CIITA: variants seen among roughly 807,000 people sequenced by gnomAD.
CIITA encodes MHC class II transactivator.
A neutral mutation model predicts 115.1 loss-of-function variants in CIITA; 72 were observed. The ratio of observed to expected loss-of-function variants is 0.63; its 90% CI spans 0.52 to 0.76. The LOEUF is 0.76. CIITA is among the 30% of genes least tolerant of loss of function. The pLI is 0.00. For synonymous variants in CIITA, 763 were observed against 635.6 expected (o/e 1.20, Z -3.02); for missense variants, 1,617 against 1,463.8 (o/e 1.10, Z -1.71).
At chr16:10,885,434 A>G (rs1348872493) in intron 1 of CIITA, among the ~76,000 whole-genome samples, 2 of 152,170 alleles carry the variant, frequency 1.3e-5, no homozygotes, top group East Asian at 1.9e-4. Context: ...TTCCAGGCCC[A>G]TAAGCCCCTG....
At position 10,932,291 on chromosome 16, in the gene CIITA, T is replaced by C. The variant is rs892232964; in HGVS notation, c.*8436T>C. 1 of 152,266 alleles carries C rather than the reference T, an allele frequency of 6.6e-6. No individual in the cohort carries two copies. Among genetic ancestry groups the C allele is most frequent in the Non-Finnish European group, 1.5e-5 (1 of 68,052 alleles). 9.4% of individuals were successfully genotyped at this position (152,266 alleles called of 1,614,324 possible). ...GAAAATCGTGACAACACTTGTGTTATGAAGCATTTACTTTGTGTTCACCTT... is the reference window on the plus strand; with the variant it reads ...GAAAATCGTGACAACACTTGTGTTACGAAGCATTTACTTTGTGTTCACCTT... On this transcript the variant is annotated 3_prime_UTR_variant, in exon 20 of 20. Transcript: ENST00000324288.
intron 16 of CIITA, 80 bp downstream of exon 16, chr16:10,918,606 AG>A: frequency 8.0e-7 from 1 of 1,252,666 alleles, no homozygotes; most frequent in South Asian, 1.2e-5. Context: ...TGCTGGCTGC[AG>A]GGGACACTGA....
Position 10,942,936 on chromosome 16 carries a change from G to A in CIITA, n.2062G>A, listed in dbSNP as rs752354791. Reference sequence around the variant, plus strand: ...CTTCTCCAAACTCTGGTTGCTGGAAGGTCCGCCCACTACGGAACCTGCATC... The same window carrying A: ...CTTCTCCAAACTCTGGTTGCTGGAAAGTCCGCCCACTACGGAACCTGCATC... On this transcript the variant is annotated non_coding_transcript_exon_variant, in exon 2 of 2. Transcript: ENST00000573379. This position sits in a 1 kb window ranked among gnomAD's most constrained non-coding sequence, Gnocchi z 5.0. 7 of 152,206 alleles carry A rather than the reference G, an allele frequency of 4.6e-5. No individual in the cohort carries two copies. Among genetic ancestry groups the A allele is most frequent in the Admixed American group, 1.3e-4 (2 of 15,290 alleles). The allele number at this position is 152,206 out of a possible 1,614,324, so 9.4% of individuals were successfully genotyped here.
rs539219688 is a variant in CIITA at position 10,894,214 on chromosome 16, C to T, written c.53-1068C>T. On this transcript the variant is annotated intron_variant, in intron 1 of 19. Transcript: ENST00000324288. Reference sequence around the variant, plus strand: ...GTCATTTCAAATAAATAGAATCATACAATATGTGACCCTTTGTGTCCGGCT... The same window carrying T: ...GTCATTTCAAATAAATAGAATCATATAATATGTGACCCTTTGTGTCCGGCT... Among the ~76,000 whole-genome samples, 36 of 152,182 alleles carry T rather than the reference C, an allele frequency of 2.4e-4. 1 individual carries two copies. The highest frequency in any genetic ancestry group is 8.4e-4 in the African/African-American group (35 of 41,516).
In CIITA at chr16:10,942,778, T is replaced by A; in HGVS notation, n.1904T>A. 6.6e-6 allele frequency: 1 copy of A among 152,276 alleles called. No individual in the cohort carries two copies. The highest frequency in any genetic ancestry group is 1.9e-4 in the East Asian group (1 of 5,200). The allele number at this position is 152,276 out of a possible 1,614,324, so 9.4% of individuals were successfully genotyped here. The stretch of plus-strand genomic sequence containing the variant: ...CGGGCTACCGCTGCACCTTGCTGCA[T>A]GCCTCTTTGGGACTCCGTTTCTCCT... On this transcript the variant is annotated non_coding_transcript_exon_variant, in exon 2 of 2. Coordinates refer to the CIITA transcript ENST00000573379. This position sits in a 1 kb window ranked among gnomAD's most constrained non-coding sequence, Gnocchi z 5.0.
At position 10,902,798 on chromosome 16, in the gene CIITA, C is replaced by A; in HGVS notation, c.769C>A (p.His257Asn). ...AGGGGTCTCCAGTATATTCATCTACCATGGTGAGTGCGGGGCCTGGCTCCC... is the reference window on the plus strand; with the variant it reads ...AGGGGTCTCCAGTATATTCATCTACAATGGTGAGTGCGGGGCCTGGCTCCC... ...GTGVSSIFIY[H>N]GEVPQASQVP... The change falls in exon 8 of 20, where the codon CAT becomes AAT. Residue 257 changes from histidine to asparagine, a missense_variant. By Grantham distance (68) the His-to-Asn change is moderately conservative. Coordinates refer to ENST00000324288, the MANE Select transcript of CIITA (RefSeq NM_000246.4). The A allele has an allele frequency of 6.2e-7, 1 of 1,614,172 alleles. No individual in the cohort carries two copies. Among genetic ancestry groups the A allele is most frequent in the Non-Finnish European group, 8.5e-7 (1 of 1,180,032 alleles).
rs1446197976 is a variant in CIITA at position 10,922,027 on chromosome 16, C to A, written c.3150-140C>A. ...TGTAAGTACTTGGCACAATGCCAGG[C>A]TCTGTTGTGCAATAAATATTGATTC... On this transcript the variant is annotated intron_variant, in intron 16 of 19. Coordinates refer to ENST00000324288, the MANE Select transcript of CIITA (RefSeq NM_000246.4). The A allele has an allele frequency of 7.7e-6, 6 of 774,430 alleles. No individual in the cohort carries two copies. In the East Asian group the frequency reaches 1.5e-4, roughly 19 times the overall value. The allele number at this position is 774,430 out of a possible 1,614,324, so 48.0% of individuals were successfully genotyped here. A position where few individuals can be genotyped will look rare whatever the true frequency, so the allele number is the denominator to read the frequency against.
In CIITA at chr16:10,941,473, A is replaced by ACTTCT. The variant is rs2041101203; in HGVS notation, n.599_600insCTTCT. 4 of 1,226,984 alleles carry ACTTCT rather than the reference A, an allele frequency of 3.3e-6. No individual in the cohort carries two copies. In the South Asian group the frequency reaches 8.0e-5, roughly 24 times the overall value. The allele number at this position is 1,226,984 out of a possible 1,614,324, so 76.0% of individuals were successfully genotyped here. A position where few individuals can be genotyped will look rare whatever the true frequency, so the allele number is the denominator to read the frequency against. On this transcript the variant is annotated non_coding_transcript_exon_variant, in exon 2 of 2. Coordinates refer to the CIITA transcript ENST00000573379. The surrounding 1 kb of genome is among the most constrained non-coding windows in gnomAD (Gnocchi z 6.4). Reference sequence around the variant, plus strand: ...ACCTGGAGGAGGTGAACGGAGGAGAAGCCTGAGGGAGGGGTGTGTATCCGG... The same window carrying ACTTCT: ...ACCTGGAGGAGGTGAACGGAGGAGAACTTCTGCCTGAGGGAGGGGTGTGTATCCGG...
intron 1 of CIITA, among the ~76,000 whole-genome samples, chr16:10,878,262 T>TTG (rs779049763): frequency 1.3e-5 from 2 of 152,068 alleles, no homozygotes; most frequent in Non-Finnish European, 2.9e-5. Flanking sequence ...TCTGCCGGTG[T>TTG]GGTTGGGTGC....
intron 12 of CIITA, 104 bp downstream of exon 12, chr16:10,909,291 C>A: frequency 1.7e-6 from 2 of 1,205,224 alleles, no homozygotes. Context: ...CCCCTGTCCT[C>A]TGGGACACCC....
rs181022689 is a variant in CIITA at position 10,902,281 on chromosome 16, C to T, written c.628+97C>T. ...AGGGACTGTCAGGAACTGGACCTCA[C>T]CTCTCCCCAACCCTATCAGTGTCAC... On this transcript the variant is annotated intron_variant, in intron 7 of 19. Coordinates refer to ENST00000324288, the MANE Select transcript of CIITA (RefSeq NM_000246.4). 5.9e-6 allele frequency: 9 copies of T among 1,516,232 alleles called. No individual in the cohort carries two copies. In the East Asian group the frequency reaches 9.5e-5, roughly 16 times the overall value. The allele number at this position is 1,516,232 out of a possible 1,614,324, so 93.9% of individuals were successfully genotyped here. A position where few individuals can be genotyped will look rare whatever the true frequency, so the allele number is the denominator to read the frequency against.
chr16:10,892,623 G>A lies in CIITA; in HGVS notation c.53-2659G>A, dbSNP rs561770320. 5.3e-5 allele frequency among the ~76,000 whole-genome samples: 8 copies of A among 152,168 alleles called. No homozygotes were observed. In the South Asian group the frequency reaches 1.2e-3, roughly 24 times the overall value. ...TCAGTGTGACTTTATTTGGGAAAAG[G>A]GTCTTTGCAGATAGAATTAAGTTAA... On this transcript the variant is annotated intron_variant, in intron 1 of 19. Transcript: ENST00000324288.
At position 10,942,203 on chromosome 16, in the gene CIITA, T is replaced by C; in HGVS notation, n.1329T>C. 2.3e-6 allele frequency: 1 copy of C among 433,386 alleles called. No individual in the cohort carries two copies. The highest frequency in any genetic ancestry group is 4.3e-5 in the East Asian group (1 of 23,118). The allele number at this position is 433,386 out of a possible 1,614,324, so 26.8% of individuals were successfully genotyped here. A position where few individuals can be genotyped will look rare whatever the true frequency, so the allele number is the denominator to read the frequency against. ...CCGGGCGGGTCACCGCACCCCGAGA[T>C]GTGCCCCCAAGGATCTCTCGACCGC... On this transcript the variant is annotated non_coding_transcript_exon_variant, in exon 2 of 2. Coordinates refer to the CIITA transcript ENST00000573379. This position sits in a 1 kb window ranked among gnomAD's most constrained non-coding sequence, Gnocchi z 5.0.
chr16:10,918,693 G>C (rs7404786), intron 16 of CIITA, among the ~76,000 whole-genome samples, 167 bp downstream of exon 16: 88,566 of 152,128 alleles, frequency 0.58, 26,233 homozygotes, highest in East Asian at 0.79. Flanking sequence ...GAGCAAGTCA[G>C]TTATTCATTC....
At chr16:10,897,141 C>A (rs1050721385) in intron 3 of CIITA, among the ~76,000 whole-genome samples, 4 of 152,152 alleles carry the variant, frequency 2.6e-5, no homozygotes, top group Admixed American at 2.6e-4. Flanking sequence ...AACAACATAC[C>A]TGACACTGAG....
At chr16:10,898,858 T>C (rs6498121) in intron 4 of CIITA, 67 bp from the exon 5 acceptor site, 2 of 1,601,362 alleles carry the variant, frequency 1.2e-6, no homozygotes, top group Non-Finnish European at 8.6e-7. Flanking sequence ...CCAAGGTGGG[T>C]ACAATAGAGA....
Position 10,941,426 on chromosome 16 carries a change from GC to G in CIITA, n.554del. 1 of 784,288 alleles carries G rather than the reference GC, an allele frequency of 1.3e-6. No individual in the cohort carries two copies. Among genetic ancestry groups the G allele is most frequent in the Non-Finnish European group, 1.7e-6 (1 of 582,030 alleles). The allele number at this position is 784,288 out of a possible 1,614,324, so 48.6% of individuals were successfully genotyped here. ...AAACGAAGGGCTTAAGAGGAGTCTG[GC>G]CATTCCTGGCATCCAGTTAGACCTG... On this transcript the variant is annotated non_coding_transcript_exon_variant, in exon 2 of 2. Transcript: ENST00000573379. The surrounding 1 kb of genome is among the most constrained non-coding windows in gnomAD (Gnocchi z 6.4).
chr16:10,919,007 T>TA, intron 16 of CIITA, among the ~76,000 whole-genome samples: 1 of 152,022 alleles, frequency 6.6e-6, no homozygotes, highest in South Asian at 2.1e-4. Flanking sequence ...GTCCCAGAGG[T>TA]AATGAGCGGA....
At chr16:10,876,560 G>C (rs1266410786), upstream of CIITA, among the ~76,000 whole-genome samples, 1 of 152,194 alleles carries the variant, frequency 6.6e-6, no homozygotes, top group African/African-American at 2.4e-5. Flanking sequence ...CAGGAGGATG[G>C]GCAGAGACTG....
Sources: gnomAD v4.1 joint callset for allele counts (sites outside exome capture counted in the v4.1 genomes callset) on GRCh38, gnomAD v4.1.1 for gene constraint, Gnocchi (gnomAD v3.1) non-coding constraint, MANE v1.5 for transcripts, NCBI Gene and HGNC (gene_info 2026-07-23, HGNC 2026-07-21) for gene names.